Variants in STRIP2 observed in about 807,000 individuals in gnomAD.
STRIP2 encodes striatin interacting protein 2, also known as striatin-interacting protein 2.
Under a neutral mutation model 107.1 loss-of-function variants are expected in STRIP2, and 84 were observed. The ratio of observed to expected loss-of-function variants is 0.78; its 90% CI spans 0.66 to 0.94. The LOEUF is 0.94. Ranked by LOEUF, STRIP2 falls within the 40% of genes least tolerant of loss-of-function variation. STRIP2 has a pLI of 0.00. For synonymous variants in STRIP2, 394 were observed against 400.4 expected, an observed-to-expected ratio of 0.98 and a Z score of 0.19; for missense variants, 888 against 1,034.2, an observed-to-expected ratio of 0.86 and a Z score of 1.94.
At chr7:129,454,803 C>A (rs775688226) in intron 7 of STRIP2, among the ~76,000 whole-genome samples, 1 of 152,228 alleles carries the variant, frequency 6.6e-6, no homozygotes, top group South Asian at 2.1e-4. Flanking sequence ...CACTCTATCA[C>A]GAGTCCCACA....
At chr7:129,475,736 G>A (rs1425414039) in intron 18 of STRIP2, among the ~76,000 whole-genome samples, 2 of 151,988 alleles carry the variant, frequency 1.3e-5, no homozygotes, top group African/African-American at 4.8e-5. Flanking sequence ...TGTGTCCCTG[G>A]GTACTTGAGA....
intron 7 of STRIP2, 87 bp downstream of exon 7, chr7:129,454,614 G>GT: frequency 1.2e-6 from 1 of 832,144 alleles, no homozygotes; most frequent in Non-Finnish European, 2.0e-6. Context: ...GCAGACAGTC[G>GT]TTTTTTCTTT....
intron 7 of STRIP2, 74 bp from the exon 8 acceptor site, chr7:129,455,170 G>T: frequency 6.5e-7 from 1 of 1,528,974 alleles, no homozygotes; most frequent in East Asian, 2.4e-5. Flanking sequence ...TGTGTGTCCA[G>T]AATCAGGGTT....
chr7:129,467,240 T>C (rs1466722530), intron 16 of STRIP2, 110 bp from the exon 17 acceptor site: 19 of 773,362 alleles, frequency 2.5e-5, no homozygotes, highest in Non-Finnish European at 4.1e-5. Context: ...AAGTGGATAG[T>C]AGATATTCTC....
chr7:129,457,757 C>T (rs1312326836), intron 9 of STRIP2, among the ~76,000 whole-genome samples: 2 of 152,334 alleles, frequency 1.3e-5, no homozygotes, highest in East Asian at 3.9e-4. Flanking sequence ...TGGCCTATTT[C>T]TGTCCAATCT....
chr7:129,458,615 T>C lies in STRIP2; in HGVS notation c.1275-97T>C. 1.4e-6 allele frequency: 2 copies of C among 1,412,252 alleles called. No homozygotes were observed. Among genetic ancestry groups the C allele is most frequent in the Non-Finnish European group, 2.0e-6 (2 of 1,007,706 alleles). 87.5% of individuals were successfully genotyped at this position (1,412,252 alleles called of 1,614,324 possible). ...TTGCTGCCTTTTTCCACTGCTCCAG[T>C]CCTCTGATTGGAGGGATAGGAGCCC... On this transcript the variant is annotated intron_variant, in intron 10 of 20. Coordinates refer to ENST00000249344, the MANE Select transcript of STRIP2 (RefSeq NM_020704.3). This position sits in a 1 kb window ranked among gnomAD's most constrained non-coding sequence, Gnocchi z 4.6.
At chr7:129,459,445 AGGGGG>A in intron 11 of STRIP2, 67 bp from the exon 12 acceptor site, 1 of 1,296,304 alleles carries the variant, frequency 7.7e-7, no homozygotes, top group Non-Finnish European at 1.1e-6. Context: ...TGTTGACTCT[AGGGGG>A]GTATTGGGGT....
Position 129,478,962 on chromosome 7 carries a change from T to C in STRIP2, c.1945-1823T>C, listed in dbSNP as rs373865984. 6.8e-4 allele frequency among the ~76,000 whole-genome samples: 103 copies of C among 152,234 alleles called. 1 individual carries two copies. The Middle Eastern group carries it at 0.01, about 15-fold the overall frequency. On this transcript the variant is annotated intron_variant, in intron 18 of 20. Transcript: ENST00000249344. ...ACTTACTTATCCCATATGTTTTGTG[T>C]TTCCCTTGCGTCTTAAAAATTTAAA...
At chr7:129,445,858 C>T (rs1396218443) in intron 3 of STRIP2, among the ~76,000 whole-genome samples, 1 of 152,146 alleles carries the variant, frequency 6.6e-6, no homozygotes, top group South Asian at 2.1e-4. Context: ...GGATGGTAGT[C>T]TTGGCAGAAG....
chr7:129,449,270 A>C (rs1339349883), intron 3 of STRIP2, among the ~76,000 whole-genome samples: 1 of 152,114 alleles, frequency 6.6e-6, no homozygotes, highest in Non-Finnish European at 1.5e-5. Context: ...GTTTATATAA[A>C]TTAGAGGACT....
intron 3 of STRIP2, among the ~76,000 whole-genome samples, chr7:129,450,623 AGAAGTT>A (rs1462644011): frequency 6.6e-6 from 1 of 152,222 alleles, no homozygotes. Context: ...GCTTTTACAA[AGAAGTT>A]AGAGTTTGAG....
chr7:129,434,978 G>C (rs1797693762), intron 1 of STRIP2, among the ~76,000 whole-genome samples: 1 of 152,246 alleles, frequency 6.6e-6, no homozygotes, highest in African/African-American at 2.4e-5. Flanking sequence ...ACTGGCTTGA[G>C]GGGTGGGAGG....
chr7:129,456,301 A>T, intron 8 of STRIP2, 138 bp from the exon 9 acceptor site: 2 of 695,976 alleles, frequency 2.9e-6, no homozygotes, highest in Non-Finnish European at 4.8e-6. Context: ...TTTATGTTTT[A>T]CTACCTCCTT....
intron 13 of STRIP2, among the ~76,000 whole-genome samples, chr7:129,460,710 C>G (rs748607440): frequency 6.6e-6 from 1 of 152,098 alleles, no homozygotes; most frequent in East Asian, 1.9e-4. Context: ...GGACAGGGAT[C>G]CAGCCATAGG....
rs543714816 is a variant in STRIP2, at chr7:129,453,255, C to T, written c.438C>T (p.Val146=). ...CTTTTGGGGAATGTGATTCAGAGGTCGATGTGCTACACTGGTCCAGGTACA... is the reference window on the plus strand; with the variant it reads ...CTTTTGGGGAATGTGATTCAGAGGTTGATGTGCTACACTGGTCCAGGTACA... The part of the protein sequence containing the change: ...QGTFGECDSE[V]DVLHWSRYNC... Residue 146 remains valine (V), a synonymous_variant, in exon 5 of 21, where the codon GTC becomes GTT. Coordinates refer to ENST00000249344, the MANE Select transcript of STRIP2 (RefSeq NM_020704.3). The T allele has an allele frequency of 2.7e-5, 43 of 1,614,080 alleles. No individual in the cohort carries two copies. The highest frequency in any genetic ancestry group is 3.3e-5 in the South Asian group (3 of 91,080).
intron 1 of STRIP2, 104 bp from the exon 2 acceptor site, chr7:129,439,918 C>T (rs1797851995): frequency 2.3e-6 from 2 of 886,248 alleles, no homozygotes; most frequent in Non-Finnish European, 3.7e-6. Flanking sequence ...CCTGATCTAA[C>T]CTTGGCCTCC....
chr7:129,434,992 G>C (rs550064567), intron 1 of STRIP2, among the ~76,000 whole-genome samples: 1 of 152,342 alleles, frequency 6.6e-6, no homozygotes, highest in African/African-American at 2.4e-5. Flanking sequence ...TGGGAGGCTG[G>C]AGCTCAGCCG....
intron 2 of STRIP2, among the ~76,000 whole-genome samples, chr7:129,442,144 G>A (rs1277270026): frequency 6.6e-6 from 1 of 152,152 alleles, no homozygotes; most frequent in Admixed American, 6.5e-5. Context: ...AGAATTGCCT[G>A]AACCTGGGAG....
At chr7:129,480,545 G>T (rs972410145) in intron 18 of STRIP2, among the ~76,000 whole-genome samples, 1 of 152,204 alleles carries the variant, frequency 6.6e-6, no homozygotes, top group African/African-American at 2.4e-5. Context: ...AGGTTCCTGT[G>T]CTCATGTATC....
Sources: allele counts gnomAD v4.1 joint callset (sites outside exome capture counted in the v4.1 genomes callset), GRCh38; gene constraint gnomAD v4.1.1; non-coding constraint Gnocchi (gnomAD v3.1); transcripts MANE v1.5; gene names NCBI Gene and HGNC (gene_info 2026-07-23, HGNC 2026-07-21).